The following TNFRSF11A variants were observed in gnomAD, a reference collection of about 807,000 sequenced individuals.
TNFRSF11A encodes the protein TNF receptor superfamily member 11a, also known as tumor necrosis factor receptor superfamily member 11A.
A neutral mutation model predicts 55.7 loss-of-function variants in TNFRSF11A; 32 were observed. That is an observed-to-expected ratio of 0.57 (90% CI 0.43 to 0.77). TNFRSF11A has a LOEUF of 0.77. TNFRSF11A is among the 30% of genes least tolerant of loss of function. The pLI is 0.00. For missense variants in TNFRSF11A, 753 were observed against 809.8 expected, an observed-to-expected ratio of 0.93 and a Z score of 0.85; for synonymous variants, 311 against 331.0, an observed-to-expected ratio of 0.94 and a Z score of 0.65.
intron 7 of TNFRSF11A, among the ~76,000 whole-genome samples, chr18:62,365,379 T>C (rs1436399815): frequency 6.6e-6 from 1 of 152,240 alleles, no homozygotes; most frequent in East Asian, 1.9e-4. Context: ...TTTAACCTTT[T>C]AGGTTTCATC....
chr18:62,390,775 T>TA lies in TNFRSF11A; in HGVS notation c.*5745dup, dbSNP rs1911964261. The stretch of plus-strand genomic sequence containing the variant: ...TCTCTTTCAATGACAAAGAAACCAT[T>TA]AAAATGAATGTTTAAAGTTCTTAGA... On this transcript the variant is annotated 3_prime_UTR_variant, in exon 10 of 10. Transcript: ENST00000586569. 1 of 152,224 alleles carries TA rather than the reference T, an allele frequency of 6.6e-6. No individual in the cohort carries two copies. The highest frequency in any genetic ancestry group is 2.1e-4 in the South Asian group (1 of 4,828). The allele number at this position is 152,224 out of a possible 1,614,324, so 9.4% of individuals were successfully genotyped here. A position where few individuals can be genotyped will look rare whatever the true frequency, so the allele number is the denominator to read the frequency against.
At position 62,383,477 on chromosome 18, in the gene TNFRSF11A, G is replaced by T. The variant is rs73450178; in HGVS notation, c.1568-1274G>T. ...TACTAAGCTGAGTCACAATGGAGAA[G>T]AAAAAGGGGTGAATCGTGAGGAGCC... On this transcript the variant is annotated intron_variant, in intron 9 of 9. Transcript: ENST00000586569. The surrounding 1 kb of genome is among the most constrained non-coding windows in gnomAD (Gnocchi z 4.2). 0.12 allele frequency among the ~76,000 whole-genome samples: 18,172 copies of T among 152,088 alleles called. 1,172 individuals are homozygous for T. Among genetic ancestry groups the T allele is most frequent in the Admixed American group, 0.14 (2,212 of 15,296 alleles).
At chr18:62,360,992 A>T (rs1275340807) in intron 6 of TNFRSF11A, among the ~76,000 whole-genome samples, 2 of 152,224 alleles carry the variant, frequency 1.3e-5, no homozygotes, top group Admixed American at 1.3e-4. Flanking sequence ...ACATTAAAGC[A>T]TTCTGGATGT....
Position 62,385,038 on chromosome 18 carries a change from C to T in TNFRSF11A, c.*4C>T. 11 of 1,468,446 alleles carry T rather than the reference C, an allele frequency of 7.5e-6. No homozygotes were observed. The highest frequency in any genetic ancestry group is 8.9e-6 in the Non-Finnish European group (10 of 1,119,374). 91.0% of individuals were successfully genotyped at this position (1,468,446 alleles called of 1,614,324 possible). A position where few individuals can be genotyped will look rare whatever the true frequency, so the allele number is the denominator to read the frequency against. ...GCAAGGCGGGGCCAAGGCTTGAGCGCCCCCCATGGCTGGGAGCCCGAAGCT... is the reference window on the plus strand; with the variant it reads ...GCAAGGCGGGGCCAAGGCTTGAGCGTCCCCCATGGCTGGGAGCCCGAAGCT... On this transcript the variant is annotated 3_prime_UTR_variant, in exon 10 of 10. Transcript: ENST00000586569.
intron 7 of TNFRSF11A, among the ~76,000 whole-genome samples, chr18:62,366,283 T>C (rs1568488573): frequency 6.6e-6 from 1 of 152,214 alleles, no homozygotes; most frequent in Admixed American, 6.5e-5. Context: ...ATTGCACTTA[T>C]ATGTGTAGTG....
chr18:62,347,168 G>A (rs1004239006), intron 1 of TNFRSF11A, among the ~76,000 whole-genome samples: 1 of 152,182 alleles, frequency 6.6e-6, no homozygotes, highest in Non-Finnish European at 1.5e-5. Context: ...ACCCTTGAGG[G>A]GAAGGTTTGT....
chr18:62,363,365 C>CTTTTT lies in TNFRSF11A; in HGVS notation c.730+1589_730+1593dup, dbSNP rs386387923. 4.7e-5 allele frequency among the ~76,000 whole-genome samples: 5 copies of CTTTTT among 106,796 alleles called. 1 individual carries two copies. Among genetic ancestry groups the CTTTTT allele is most frequent in the African/African-American group, 7.5e-5 (2 of 26,492 alleles). The allele number at this position is 106,796 out of a possible 152,430, so 70.1% of individuals were successfully genotyped here. A position where few individuals can be genotyped will look rare whatever the true frequency, so the allele number is the denominator to read the frequency against. Reference sequence around the variant, plus strand: ...AGTGAGCAATGTTTGAGTGATGACCCTTTTTTTTTTTTTTTTTTTTTGAGA... The same window carrying CTTTTT: ...AGTGAGCAATGTTTGAGTGATGACCCTTTTTTTTTTTTTTTTTTTTTTTTTTGAGA... On this transcript the variant is annotated intron_variant, in intron 7 of 9. Transcript: ENST00000586569.
chr18:62,385,336 T>G lies in TNFRSF11A; in HGVS notation c.*302T>G. The G allele has an allele frequency of 2.0e-4, 39 of 198,748 alleles. No homozygotes were observed. The highest frequency in any genetic ancestry group is 6.4e-4 in the East Asian group (5 of 7,758). The allele number at this position is 198,748 out of a possible 1,614,324, so 12.3% of individuals were successfully genotyped here. A position where few individuals can be genotyped will look rare whatever the true frequency, so the allele number is the denominator to read the frequency against. ...ATGACAGCTATTTTTATGACTATCC[T>G]GTTCTGTGGGGGGGGGGGTCTGTTT... On this transcript the variant is annotated 3_prime_UTR_variant, in exon 10 of 10. Transcript: ENST00000586569.
chr18:62,339,926 C>G (rs2046287791), intron 1 of TNFRSF11A, among the ~76,000 whole-genome samples: 1 of 152,108 alleles, frequency 6.6e-6, no homozygotes, highest in Non-Finnish European at 1.5e-5. Flanking sequence ...CCAGTAGAAG[C>G]TGACCAGCTG....
At chr18:62,368,658 C>T in intron 8 of TNFRSF11A, 43 bp from the exon 9 acceptor site, 7 of 1,603,642 alleles carry the variant, frequency 4.4e-6, no homozygotes, top group Non-Finnish European at 6.0e-6. Flanking sequence ...GTCCTAATAA[C>T]TCTAGGTATT....
intron 7 of TNFRSF11A, among the ~76,000 whole-genome samples, chr18:62,362,171 A>G (rs1215080662): frequency 1.3e-5 from 2 of 151,882 alleles, no homozygotes; most frequent in Non-Finnish European, 2.9e-5. Flanking sequence ...GGTAGGGGGG[A>G]ATTTCTGACT....
chr18:62,374,659 A>G (rs941796848), intron 9 of TNFRSF11A, among the ~76,000 whole-genome samples: 3 of 152,204 alleles, frequency 2.0e-5, no homozygotes, highest in Admixed American at 2.0e-4. Context: ...TTAAAAATGT[A>G]AATTCTGTCA....
At chr18:62,364,388 C>T (rs1909921369) in intron 7 of TNFRSF11A, among the ~76,000 whole-genome samples, 1 of 152,088 alleles carries the variant, frequency 6.6e-6, no homozygotes, top group African/African-American at 2.4e-5. Flanking sequence ...GAGTTTGCTC[C>T]TTGTCCTTAG....
intron 1 of TNFRSF11A, among the ~76,000 whole-genome samples, chr18:62,343,191 T>C (rs535556007): frequency 1.3e-5 from 2 of 152,362 alleles, no homozygotes; most frequent in South Asian, 2.1e-4. Context: ...ACTGAAGTTA[T>C]AGCCAAATTC....
intron 1 of TNFRSF11A, among the ~76,000 whole-genome samples, chr18:62,341,576 C>T (rs1205270762): frequency 2.0e-5 from 3 of 152,178 alleles, no homozygotes; most frequent in East Asian, 1.9e-4. Context: ...CAGCTGTGCC[C>T]GTGAATATCC....
At chr18:62,366,850 C>A (rs1166568663) in intron 8 of TNFRSF11A, 90 bp downstream of exon 8, 32 of 1,327,508 alleles carry the variant, frequency 2.4e-5, no homozygotes, top group South Asian at 3.5e-5. Flanking sequence ...GCACCCCCCC[C>A]CACCCCCACT....
In TNFRSF11A at chr18:62,325,671, CG is replaced by C. The variant is rs1185522331; in HGVS notation, c.75+247del. The stretch of plus-strand genomic sequence containing the variant: ...GTTGGCGGGACCGCAACACCCGAAA[CG>C]GGCTCTTCCAAAAGCCCCTCTTAGC... On this transcript the variant is annotated intron_variant, in intron 1 of 9. Transcript: ENST00000586569. The surrounding 1 kb of genome is among the most constrained non-coding windows in gnomAD (Gnocchi z 4.7). Among the ~76,000 whole-genome samples the C allele has an allele frequency of 6.6e-6, 1 of 152,188 alleles. No individual in the cohort carries two copies. Among genetic ancestry groups the C allele is most frequent in the African/African-American group, 2.4e-5 (1 of 41,464 alleles).
At chr18:62,326,109 G>C (rs1446614086) in intron 1 of TNFRSF11A, among the ~76,000 whole-genome samples, 2 of 152,256 alleles carry the variant, frequency 1.3e-5, no homozygotes, top group Non-Finnish European at 2.9e-5. Flanking sequence ...GCCTCGTGGA[G>C]GAGGGCCGCA....
Position 62,358,022 on chromosome 18 carries a change from C to T in TNFRSF11A, c.428-226C>T, listed in dbSNP as rs532850467. ...ACATCAAGTCAGTTACCTTTCTGAG[C>T]GTGGTTCCATAACTCACTGCTGGGG... On this transcript the variant is annotated intron_variant, in intron 4 of 9. Transcript: ENST00000586569. The T allele has an allele frequency of 6.3e-4, 340 of 543,500 alleles. 3 individuals are homozygous for T. Among genetic ancestry groups the T allele is most frequent in the Middle Eastern group, 4.5e-3 (9 of 1,998 alleles). 33.7% of individuals were successfully genotyped at this position (543,500 alleles called of 1,614,324 possible). A position where few individuals can be genotyped will look rare whatever the true frequency, so the allele number is the denominator to read the frequency against.
Sources: allele counts gnomAD v4.1 joint callset (sites outside exome capture counted in the v4.1 genomes callset), GRCh38; gene constraint gnomAD v4.1.1; non-coding constraint Gnocchi (gnomAD v3.1); transcripts MANE v1.5; gene names NCBI Gene and HGNC (gene_info 2026-07-23, HGNC 2026-07-21).